LRRC43: variants seen among roughly 807,000 people sequenced by gnomAD.
LRRC43 encodes the protein leucine rich repeat containing 43.
In LRRC43, 62 loss-of-function variants were observed where a neutral mutation model predicts 64.3. That is an observed-to-expected ratio of 0.96 (90% CI 0.79 to 1.19). The LOEUF is 1.19. Ranked by LOEUF, LRRC43 falls within the 50% of genes most tolerant of loss-of-function variation. The probability of loss-of-function intolerance (pLI) is 0.00; values close to 1 mark genes in which losing one functional copy is unlikely to be tolerated. For synonymous variants in LRRC43, 422 were observed against 382.3 expected, an observed-to-expected ratio of 1.10 and a Z score of -1.21; for missense variants, 868 against 845.0, an observed-to-expected ratio of 1.03 and a Z score of -0.34.
At chr12:122,173,726 A>G (rs1246431300) in intron 1 of LRRC43, 4 of 851,852 alleles carry the variant, frequency 4.7e-6, no homozygotes, top group African/African-American at 1.7e-5. Flanking sequence ...AGTTTCCCCC[A>G]TCCCTTCCTG....
chr12:122,179,796 C>G (rs1953566627), upstream of LRRC43, among the ~76,000 whole-genome samples: 1 of 151,796 alleles, frequency 6.6e-6, no homozygotes, highest in African/African-American at 2.4e-5. Flanking sequence ...CATGGTGAAA[C>G]CCTGTCTACT....
chr12:122,170,030 C>T (rs1169528717), intron 1 of LRRC43, among the ~76,000 whole-genome samples: 2 of 152,044 alleles, frequency 1.3e-5, no homozygotes, highest in Non-Finnish European at 2.9e-5. Flanking sequence ...TGGTCTCGAG[C>T]TCCTGACCTC....
At chr12:122,168,179 G>A (rs1028663002) in intron 1 of LRRC43, among the ~76,000 whole-genome samples, 17 of 148,342 alleles carry the variant, frequency 1.1e-4, no homozygotes, top group Admixed American at 4.7e-4. Context: ...GGTGGCTCAC[G>A]CCTGTAATCC....
At position 122,187,816 on chromosome 12, in the gene LRRC43, G is replaced by C. The variant is rs1566008331; in HGVS notation, c.638G>C (p.Ser213Thr). The C allele has an allele frequency of 1.2e-6, 2 of 1,614,108 alleles. No homozygotes were observed. The highest frequency in any genetic ancestry group is 1.3e-5 in the African/African-American group (1 of 75,054). The change falls in exon 4 of 12, where the codon AGT becomes ACT. Residue 213 changes from serine to threonine, a missense_variant. Transcript: ENST00000339777. ...GHNKLLGPLE[S>T]LYVTANHWPN... ...AACAAACTTCTAGGCCCCTTGGAAA[G>C]TCTCTACGTCACCGCTAATCACTGG...
intron 1 of LRRC43, among the ~76,000 whole-genome samples, chr12:122,168,983 G>C (rs1439084304): frequency 1.3e-5 from 2 of 152,182 alleles, no homozygotes; most frequent in Non-Finnish European, 2.9e-5. Context: ...ATGGGACTGG[G>C]ATGGTGGTTT....
chr12:122,174,940 T>C (rs2136019756), intron 1 of LRRC43, among the ~76,000 whole-genome samples: 1 of 151,450 alleles, frequency 6.6e-6, no homozygotes. Flanking sequence ...CTCAAGCAAT[T>C]CTCATGCCTC....
chr12:122,182,664 G>A (rs542178657), upstream of LRRC43, among the ~76,000 whole-genome samples: 1 of 152,092 alleles, frequency 6.6e-6, no homozygotes, highest in South Asian at 2.1e-4. Context: ...CTGGACTCCA[G>A]CCTGGGCGAC....
upstream of LRRC43, among the ~76,000 whole-genome samples, chr12:122,182,564 G>T (rs577153706): frequency 1.4e-3 from 196 of 143,570 alleles, no homozygotes; most frequent in African/African-American, 4.1e-3. Context: ...GTGGTCATGC[G>T]CGCCTGTAAT....
chr12:122,191,672 T>C (rs1469058378), intron 6 of LRRC43, 105 bp downstream of exon 6: 3 of 906,486 alleles, frequency 3.3e-6, no homozygotes, highest in Non-Finnish European at 4.8e-6. Context: ...ATTTATTTAT[T>C]GAGGAGGAGT....
intron 7 of LRRC43, among the ~76,000 whole-genome samples, chr12:122,196,759 C>CAAA (rs63613560): frequency 7.3e-6 from 1 of 136,502 alleles, no homozygotes. Flanking sequence ...GACTCTGTCT[C>CAAA]AAAAAAAAAA....
chr12:122,175,740 C>T (rs1484556643), intron 1 of LRRC43, among the ~76,000 whole-genome samples: 1 of 151,926 alleles, frequency 6.6e-6, no homozygotes, highest in African/African-American at 2.4e-5. Flanking sequence ...GATCTCGGCT[C>T]ACTGCAACCT....
At chr12:122,203,286 G>A (rs1375554204) in intron 11 of LRRC43, 29 bp from the exon 12 acceptor site, 5 of 1,604,444 alleles carry the variant, frequency 3.1e-6, no homozygotes, top group East Asian at 2.2e-5. Context: ...CGTCTCCCGG[G>A]GCTCATGCTC....
chr12:122,186,329 T>C (rs1953644189), intron 3 of LRRC43, 29 bp downstream of exon 3: 1 of 1,458,742 alleles, frequency 6.9e-7, no homozygotes, highest in Admixed American at 1.9e-5. Context: ...GTGTTGAGTA[T>C]TTGGGCCTCC....
chr12:122,194,506 C>T (rs1429531746), intron 7 of LRRC43, among the ~76,000 whole-genome samples: 1 of 149,024 alleles, frequency 6.7e-6, no homozygotes, highest in Non-Finnish European at 1.5e-5. Flanking sequence ...GCAGAGGTTG[C>T]GGTGAGCCAG....
Position 122,192,911 on chromosome 12 carries a change from G to A in LRRC43, c.1256G>A (p.Gly419Glu), listed in dbSNP as rs767479927. 55 of 1,614,002 alleles carry A rather than the reference G, an allele frequency of 3.4e-5. No homozygotes were observed. The highest frequency in any genetic ancestry group is 1.1e-4 in the East Asian group (5 of 44,890). The change falls in exon 7 of 12, where the codon GGG becomes GAG. Residue 419 changes from glycine to glutamate, a missense_variant. Gly to Glu is a moderately conservative substitution (Grantham distance 98, BLOSUM62 -2). Coordinates refer to ENST00000339777, the MANE Select transcript of LRRC43 (RefSeq NM_001098519.2). The stretch of plus-strand genomic sequence containing the variant: ...GAGTCGGAGCTGTCTGTCATCTCGG[G>A]GCCTTCGACCATCTTGCAGATGCCG... ...SGESELSVISGPSTILQMPRA... is the reference protein window; with the variant it reads ...SGESELSVISEPSTILQMPRA...
chr12:122,187,867 G>A lies in LRRC43; in HGVS notation c.662+27G>A, dbSNP rs753257971. ...TAACTCGGGAGCCCAGATGGAAAGT[G>A]AGAGGGAGGGATTAAGTATCAGGTT... On this transcript the variant is annotated intron_variant, in intron 4 of 11. Coordinates refer to ENST00000339777, the MANE Select transcript of LRRC43 (RefSeq NM_001098519.2). The A allele has an allele frequency of 4.3e-6, 7 of 1,612,272 alleles. No homozygotes were observed. In the East Asian group the frequency reaches 1.1e-4, roughly 26 times the overall value.
chr12:122,191,525 T>C lies in LRRC43; in HGVS notation c.1047T>C (p.Asp349=). 1 of 1,614,116 alleles carries C rather than the reference T, an allele frequency of 6.2e-7. No homozygotes were observed. The highest frequency in any genetic ancestry group is 8.5e-7 in the Non-Finnish European group (1 of 1,180,024). The part of the protein sequence containing the change: ...NYYVTYDFVK[D]EEGEMNESAG... ...ACGTGACCTATGATTTTGTGAAAGA[T>C]GAAGAAGGCGAAATGAATGAGTCCG... Residue 349 remains aspartate (D), a synonymous_variant, in exon 6 of 12, where the codon GAT becomes GAC. Transcript: ENST00000339777.
chr12:122,201,461 C>A (rs872450), intron 11 of LRRC43, 132 bp downstream of exon 11: 2 of 772,688 alleles, frequency 2.6e-6, no homozygotes, highest in Non-Finnish European at 4.5e-6. Context: ...CCACATCCCC[C>A]CTTAGATCCA....
Position 122,188,034 on chromosome 12 carries a change from A to C in LRRC43, c.662+194A>C, listed in dbSNP as rs77927155. 1.2e-3 allele frequency: 676 copies of C among 574,982 alleles called. 8 individuals carry two copies. In the East Asian group the frequency reaches 0.016, roughly 14 times the overall value. The allele number at this position is 574,982 out of a possible 1,614,324, so 35.6% of individuals were successfully genotyped here. A position where few individuals can be genotyped will look rare whatever the true frequency, so the allele number is the denominator to read the frequency against. ...TTGTAAACAAAAAGCCCGGGGAAGG[A>C]GAACAAGAGGTAGTAGGTGTGAGTC... On this transcript the variant is annotated intron_variant, in intron 4 of 11. Coordinates refer to ENST00000339777, the MANE Select transcript of LRRC43 (RefSeq NM_001098519.2).
Sources: gnomAD v4.1 joint callset for allele counts (sites outside exome capture counted in the v4.1 genomes callset) on GRCh38, gnomAD v4.1.1 for gene constraint, MANE v1.5 for transcripts, NCBI Gene and HGNC (gene_info 2026-07-23, HGNC 2026-07-21) for gene names.